Variants in SYNRG observed in about 807,000 individuals in gnomAD.
SYNRG encodes AP1 gamma subunit binding protein 1.
Under a neutral mutation model 130.9 loss-of-function variants are expected in SYNRG, and 37 were observed. The observed-to-expected ratio is 0.28, with a 90% confidence interval of 0.22 to 0.37. SYNRG has a LOEUF of 0.37. Among genes scored for constraint, SYNRG ranks in the 10% least tolerant of loss-of-function variants. The pLI is 1.00. For synonymous variants in SYNRG, 539 were observed against 568.1 expected (o/e 0.95, Z 0.73); for missense variants, 1,338 against 1,588.9 (o/e 0.84, Z 2.68).
At chr17:37,608,262 T>C (rs1390505271) in intron 1 of SYNRG, among the ~76,000 whole-genome samples, 3 of 152,152 alleles carry the variant, frequency 2.0e-5, no homozygotes, top group African/African-American at 7.2e-5. Flanking sequence ...TACACTTTTG[T>C]AGTGTTCACG....
intron 1 of SYNRG, among the ~76,000 whole-genome samples, chr17:37,601,203 G>A (rs1272518493): frequency 6.6e-6 from 1 of 152,016 alleles, no homozygotes; most frequent in African/African-American, 2.4e-5. Context: ...GAGTAGCTGG[G>A]ATTACAGGCA....
chr17:37,524,571 A>G (rs1346529876), intron 19 of SYNRG, among the ~76,000 whole-genome samples: 2 of 152,258 alleles, frequency 1.3e-5, no homozygotes, highest in Non-Finnish European at 2.9e-5. Context: ...TAGCCAAGTC[A>G]TAGGATATTT....
In SYNRG at chr17:37,518,767, ACCTGAAGT is replaced by A. The variant is rs1219950244; in HGVS notation, c.*165_*172del. On this transcript the variant is annotated 3_prime_UTR_variant, in exon 22 of 22. Coordinates refer to ENST00000612223, the MANE Select transcript of SYNRG (RefSeq NM_007247.6). ...CGTGCAGTTTGGGTGGGACAATTTT[ACCTGAAGT>A]CCTGCAGACTGGCCGTGGGGATGAC... 1.3e-6 allele frequency: 1 copy of A among 757,488 alleles called. No homozygotes were observed. Among genetic ancestry groups the A allele is most frequent in the African/African-American group, 1.7e-5 (1 of 57,436 alleles). The allele number at this position is 757,488 out of a possible 1,614,324, so 46.9% of individuals were successfully genotyped here.
intron 13 of SYNRG, among the ~76,000 whole-genome samples, chr17:37,560,573 A>C (rs2059448546): frequency 6.6e-6 from 1 of 151,894 alleles, no homozygotes; most frequent in African/African-American, 2.4e-5. Flanking sequence ...TCCTGACCTC[A>C]GGTGATCCGC....
At chr17:37,588,212 A>T (rs2061847512) in intron 3 of SYNRG, among the ~76,000 whole-genome samples, 1 of 150,480 alleles carries the variant, frequency 6.6e-6, no homozygotes, top group South Asian at 2.1e-4. Context: ...TACAAAAACC[A>T]CTGAACCATG....
chr17:37,518,976 T>C lies in SYNRG; in HGVS notation c.3909A>G (p.Pro1303=), dbSNP rs181847655. ...CANFWINCVE[P]KPPGLVLPDL... ...CAGGCAGGACGAGGCCAGGAGGCTT[T>C]GGTTCGACACAGTTGATCCAGAAGT... The change falls in exon 22 of 22, where the codon CCA becomes CCG. Residue 1303 remains proline (P), a synonymous_variant. Transcript: ENST00000612223. 3 of 1,614,206 alleles carry C rather than the reference T, an allele frequency of 1.9e-6. No homozygotes were observed. In the African/African-American group the frequency reaches 4.0e-5, roughly 22 times the overall value.
intron 6 of SYNRG, chr17:37,579,031 T>A (rs965810370): frequency 1.2e-6 from 1 of 852,846 alleles, no homozygotes. Flanking sequence ...TTTATGTGCA[T>A]GTTTATTTGC....
Position 37,520,632 on chromosome 17 carries a change from A to G in SYNRG, c.3683T>C (p.Leu1228Pro). 1 of 1,614,232 alleles carries G rather than the reference A, an allele frequency of 6.2e-7. No homozygotes were observed. The highest frequency in any genetic ancestry group is 2.2e-5 in the East Asian group (1 of 44,888). The change falls in exon 20 of 22, where the codon CTG becomes CCG. Residue 1228 changes from leucine (L) to proline (P), a missense_variant. Transcript: ENST00000612223. ...LATLTPDENS[L>P]DFSSCMLRPG... ...CCGTAACATACAGGAGGAAAAATCC[A>G]GCGAGTTTTCATCTGGCTGTGAGGA...
At position 37,577,574 on chromosome 17, in the gene SYNRG, A is replaced by G. The variant is rs2060937004; in HGVS notation, c.629T>C (p.Ile210Thr). Residue 210 changes from isoleucine to threonine, a missense_variant, in exon 7 of 22, where the codon ATA becomes ACA. By Grantham distance (89) the Ile-to-Thr change is moderately conservative. Transcript: ENST00000612223. The part of the protein sequence containing the change: ...LEEKFLVSCD[I>T]STSGQEQIKL... ...AATTTGTTCCTGCCCAGATGTACTT[A>G]TATCACAAGATACTAGGAACTTCTC... 4 of 1,614,156 alleles carry G rather than the reference A, an allele frequency of 2.5e-6. No individual in the cohort carries two copies. Among genetic ancestry groups the G allele is most frequent in the South Asian group, 1.1e-5 (1 of 91,084 alleles).
chr17:37,542,541 G>C lies in SYNRG; in HGVS notation c.2633C>G (p.Ala878Gly). ...AADIEDLKYA[A>G]FGSYSSNFAV... ...AAAATTGCTACTGTAGCTTCCAAAA[G>C]CAGCATATTTTAAGTCCTCTATATC... The change falls in exon 15 of 22, where the codon GCT becomes GGT. Residue 878 changes from alanine (A) to glycine (G), a missense_variant. Physicochemically the swap from Ala to Gly is moderately conservative, Grantham distance 60. Transcript: ENST00000612223. 1 of 1,611,630 alleles carries C rather than the reference G, an allele frequency of 6.2e-7. No individual in the cohort carries two copies. The highest frequency in any genetic ancestry group is 8.5e-7 in the Non-Finnish European group (1 of 1,179,666).
chr17:37,539,324 C>T, intron 16 of SYNRG, 79 bp from the exon 17 acceptor site: 4 of 1,429,392 alleles, frequency 2.8e-6, no homozygotes, highest in Non-Finnish European at 3.9e-6. Flanking sequence ...ATTCAAAGTG[C>T]TTGGAGGACT....
intron 3 of SYNRG, among the ~76,000 whole-genome samples, chr17:37,587,546 T>C (rs115098001): frequency 1.3e-5 from 2 of 152,184 alleles, no homozygotes; most frequent in African/African-American, 4.8e-5. Context: ...TCTCTCTACC[T>C]TCAAAAACCT....
intron 11 of SYNRG, chr17:37,568,150 G>A: frequency 6.6e-6 from 1 of 152,456 alleles, no homozygotes; most frequent in Non-Finnish European, 1.5e-5. Flanking sequence ...GTTGCAGTGA[G>A]CCGAGATCAC....
chr17:37,599,067 C>T (rs78406346), intron 2 of SYNRG, among the ~76,000 whole-genome samples: 2 of 152,216 alleles, frequency 1.3e-5, no homozygotes, highest in African/African-American at 4.8e-5. Context: ...GAGCCACTGA[C>T]CACCTGCTAC....
chr17:37,529,954 T>G, intron 19 of SYNRG: 1 of 1,016,990 alleles, frequency 9.8e-7, no homozygotes. Context: ...CAAAGAACCT[T>G]AAAATCTAAA....
chr17:37,534,897 C>T (rs2057040467), intron 19 of SYNRG, among the ~76,000 whole-genome samples: 2 of 138,462 alleles, frequency 1.4e-5, no homozygotes, highest in South Asian at 4.8e-4. Flanking sequence ...CGCAGAGTTC[C>T]ATGTTAAAAA....
chr17:37,592,256 C>T (rs757208208), intron 3 of SYNRG, among the ~76,000 whole-genome samples: 10 of 152,108 alleles, frequency 6.6e-5, no homozygotes, highest in Admixed American at 2.6e-4. Flanking sequence ...GATATTACAA[C>T]GTACCTGTGA....
At chr17:37,594,223 AATTATATTAATTACAATATTAATTATT>A (rs2062499860) in intron 3 of SYNRG, among the ~76,000 whole-genome samples, 1 of 144,584 alleles carries the variant, frequency 6.9e-6, no homozygotes, top group Non-Finnish European at 1.5e-5. Flanking sequence ...TAATTATTTT[AATTATATTAATTACAATATTAATTATT>A]TTAATTATAT....
intron 13 of SYNRG, among the ~76,000 whole-genome samples, chr17:37,559,724 C>T (rs1312026737): frequency 7.9e-5 from 12 of 152,188 alleles, no homozygotes; most frequent in Non-Finnish European, 1.3e-4. Flanking sequence ...CTTTACAGTC[C>T]GCAGATTGCT....
Sources: allele counts gnomAD v4.1 joint callset (sites outside exome capture counted in the v4.1 genomes callset), GRCh38; gene constraint gnomAD v4.1.1; transcripts MANE v1.5; gene names NCBI Gene and HGNC (gene_info 2026-07-23, HGNC 2026-07-21).